FBN1: variants seen among roughly 807,000 people sequenced by gnomAD.
The protein encoded by FBN1 is fibrillin 1.
A neutral mutation model predicts 365.1 loss-of-function variants in FBN1; 29 were observed. The observed-to-expected ratio is 0.08, with a 90% confidence interval of 0.06 to 0.11. The LOEUF is 0.11. Among genes scored for constraint, FBN1 ranks in the 10% least tolerant of loss-of-function variants. The probability of loss-of-function intolerance (pLI) is 1.00; values close to 1 mark genes in which losing one functional copy is unlikely to be tolerated. For missense variants in FBN1, 2,476 were observed against 3,703.2 expected (o/e 0.67, Z 8.60); for synonymous variants, 1,210 against 1,270.5 (o/e 0.95, Z 1.01).
Position 48,497,303 on chromosome 15 carries a change from T to G in FBN1, c.2256A>C (p.Ser752=), listed in dbSNP as rs2043616300. The change falls in exon 19 of 66, where the codon TCA becomes TCC. Residue 752 remains serine, a synonymous_variant. Transcript: ENST00000316623. The part of the protein sequence containing the change: ...LRGTYKCICN[S]GYEVDSTGKN... ...TCCCAGTTGAATCCACTTCATATCC[T>G]GAATTGCATATACATTTATAGGTCC... The G allele has an allele frequency of 1.9e-6, 3 of 1,614,112 alleles. No individual in the cohort carries two copies. Among genetic ancestry groups the G allele is most frequent in the Non-Finnish European group, 1.7e-6 (2 of 1,179,974 alleles).
intron 16 of FBN1, 76 bp from the exon 17 acceptor site, chr15:48,504,015 G>A (rs2043687754): frequency 6.4e-7 from 1 of 1,557,698 alleles, no homozygotes; most frequent in Non-Finnish European, 8.8e-7. Flanking sequence ...AGTTGAAGAG[G>A]GCTTTATTTA....
At chr15:48,575,800 G>GAT (rs1555403706) in intron 6 of FBN1, among the ~76,000 whole-genome samples, 1 of 115,562 alleles carries the variant, frequency 8.7e-6, no homozygotes, top group Non-Finnish European at 1.8e-5. Flanking sequence ...GAAAATGTGA[G>GAT]ATACACACAC....
chr15:48,589,803 G>C (rs553123665), intron 6 of FBN1, among the ~76,000 whole-genome samples: 1 of 151,782 alleles, frequency 6.6e-6, no homozygotes, highest in South Asian at 2.1e-4. Context: ...ATTTGTAGTA[G>C]AGACAGGGTT....
chr15:48,489,359 T>C (rs1223864645), intron 25 of FBN1, among the ~76,000 whole-genome samples: 1 of 152,022 alleles, frequency 6.6e-6, no homozygotes, highest in Admixed American at 6.6e-5. Context: ...CAAGATCTCA[T>C]TAATATAATT....
At chr15:48,467,003 A>C (rs77105537) in intron 38 of FBN1, among the ~76,000 whole-genome samples, 3,471 of 152,182 alleles carry the variant, frequency 0.023, 65 homozygotes, top group East Asian at 0.083. Flanking sequence ...GGTGCTCTGC[A>C]TGAGTGATTT....
chr15:48,431,468 AAGG>A (rs1340514307), intron 55 of FBN1, among the ~76,000 whole-genome samples: 2 of 151,996 alleles, frequency 1.3e-5, no homozygotes, highest in African/African-American at 4.8e-5. Context: ...ATTGAACTAA[AAGG>A]GCCTCATGTA....
chr15:48,430,753 C>T lies in FBN1; in HGVS notation c.6789G>A (p.Met2263Ile), dbSNP rs779622071. Reference sequence around the variant, plus strand: ...ATGTGCCAATGAGGTTCTTGCATTCCATTTGTTTTTCAGTACAGTCATGTT... The same window carrying T: ...ATGTGCCAATGAGGTTCTTGCATTCTATTTGTTTTTCAGTACAGTCATGTT... ...EGKHDCTEKQ[M>I]ECKNLIGTYM... Residue 2263 changes from methionine to isoleucine, a missense_variant, in exon 56 of 66, where the codon ATG becomes ATA. Around this residue, in one of 5 missense-constraint regions of FBN1, gnomAD observed 1,780 missense variants for 2,840.8 expected, o/e 0.63. Transcript: ENST00000316623. 1.2e-6 allele frequency: 2 copies of T among 1,613,876 alleles called. No homozygotes were observed. Among genetic ancestry groups the T allele is most frequent in the South Asian group, 1.1e-5 (1 of 91,080 alleles).
chr15:48,487,009 ATAAC>A (rs1176915286), intron 29 of FBN1, 62 bp downstream of exon 29: 3 of 1,119,764 alleles, frequency 2.7e-6, no homozygotes, highest in East Asian at 3.1e-5. Flanking sequence ...ATAAAATAAC[ATAAC>A]ATAACATAAC....
Position 48,644,892 on chromosome 15 carries a change from G to T in FBN1, c.-123C>A, listed in dbSNP as rs1004900313. 1.4e-5 allele frequency: 14 copies of T among 1,009,364 alleles called. No individual in the cohort carries two copies. Among genetic ancestry groups the T allele is most frequent in the African/African-American group, 1.7e-5 (1 of 58,328 alleles). 62.5% of individuals were successfully genotyped at this position (1,009,364 alleles called of 1,614,324 possible). ...CCCGCTATCCCGCCGCCCGTCCCCC[G>T]GGCCGGGCTCCTCCCGCCTTCTCCA... On this transcript the variant is annotated 5_prime_UTR_variant, in exon 2 of 66. Transcript: ENST00000316623.
At chr15:48,522,034 G>A (rs969050265) in intron 9 of FBN1, among the ~76,000 whole-genome samples, 1 of 152,164 alleles carries the variant, frequency 6.6e-6, no homozygotes, top group African/African-American at 2.4e-5. Flanking sequence ...ATCAGTGGCA[G>A]CACTAGATTC....
intron 46 of FBN1, 72 bp downstream of exon 46, chr15:48,448,696 T>C: frequency 6.8e-7 from 1 of 1,466,352 alleles, no homozygotes; most frequent in Non-Finnish European, 9.4e-7. Flanking sequence ...TAGTATTAAA[T>C]TTTATCCATA....
intron 13 of FBN1, among the ~76,000 whole-genome samples, chr15:48,511,148 C>T (rs765733796): frequency 2.0e-5 from 3 of 152,142 alleles, no homozygotes; most frequent in African/African-American, 4.8e-5. Context: ...TGAGCACGTG[C>T]GTTCATGGCA....
intron 38 of FBN1, among the ~76,000 whole-genome samples, chr15:48,466,760 G>A (rs2043326097): frequency 6.6e-6 from 1 of 152,072 alleles, no homozygotes; most frequent in South Asian, 2.1e-4. Context: ...CCCAAATTAA[G>A]TGTCTTAGTT....
rs368201024 is a variant in FBN1 at position 48,463,858 on chromosome 15, T to A, written c.5065+41A>T. On this transcript the variant is annotated intron_variant, in intron 41 of 65. Coordinates refer to ENST00000316623, the MANE Select transcript of FBN1 (RefSeq NM_000138.5). ...TGTGAGCTCTCTTCCTCTTTGTAGA[T>A]GAGAACCAAACATGCATTACTGAGA... 4 of 1,574,266 alleles carry A rather than the reference T, an allele frequency of 2.5e-6. No homozygotes were observed. The African/African-American group carries it at 5.4e-5, about 21-fold the overall frequency.
At position 48,493,518 on chromosome 15, in the gene FBN1, G is replaced by A. The variant is rs149966757; in HGVS notation, c.2728+686C>T. Among the ~76,000 whole-genome samples, 183 of 152,282 alleles carry A rather than the reference G, an allele frequency of 1.2e-3. 1 individual carries two copies. Among genetic ancestry groups the A allele is most frequent in the African/African-American group, 4.2e-3 (173 of 41,558 alleles). On this transcript the variant is annotated intron_variant, in intron 23 of 65. Coordinates refer to ENST00000316623, the MANE Select transcript of FBN1 (RefSeq NM_000138.5). Reference sequence around the variant, plus strand: ...CACTTGTACAACAAAATATGCTGCTGAGGTCAGATAAGTTATTAACAGCGG... The same window carrying A: ...CACTTGTACAACAAAATATGCTGCTAAGGTCAGATAAGTTATTAACAGCGG...
rs1220842179 is a variant in FBN1 at position 48,492,547 on chromosome 15, T to C, written c.2768A>G (p.Asn923Ser). The change falls in exon 24 of 66, where the codon AAT becomes AGT. Residue 923 changes from asparagine to serine, a missense_variant. Physicochemically the swap from Asn to Ser is conservative, Grantham distance 46. Around this residue, in one of 5 missense-constraint regions of FBN1, gnomAD observed 1,780 missense variants for 2,840.8 expected, o/e 0.63. Transcript: ENST00000316623. ...ECEVFPGVCK[N>S]GLCVNTRGSF... ...CCCCCTAGTGTTAACACACAGGCCA[T>C]TTTTACACACTCCTGGGAACACTTC... The C allele has an allele frequency of 6.2e-7, 1 of 1,611,032 alleles. No homozygotes were observed. The highest frequency in any genetic ancestry group is 8.5e-7 in the Non-Finnish European group (1 of 1,177,420).
rs1566895264 is a variant in FBN1 at position 48,434,645 on chromosome 15, C to G, written c.6565G>C (p.Glu2189Gln). 1 of 1,613,842 alleles carries G rather than the reference C, an allele frequency of 6.2e-7. No individual in the cohort carries two copies. The highest frequency in any genetic ancestry group is 8.5e-7 in the Non-Finnish European group (1 of 1,179,788). Residue 2189 changes from glutamate to glutamine, a missense_variant, in exon 54 of 66, where the codon GAA (glutamate) becomes CAA (glutamine). This residue lies in a region of FBN1 where 1,780 missense variants were observed against 2,840.8 expected (regional missense o/e 0.63). Coordinates refer to ENST00000316623, the MANE Select transcript of FBN1 (RefSeq NM_000138.5). ...TCAAATCCCTCCTCGCAGGTGCATT[C>G]AAAACCTCCAATCACATTCTTGCAG... ...GTCKNVIGGF[E>Q]CTCEEGFEPG... is the part of the protein sequence containing the mutation.
In FBN1 at chr15:48,422,074, A is replaced by G. The variant is rs1253572031; in HGVS notation, c.7454-6T>C. The G allele has an allele frequency of 3.8e-6, 6 of 1,592,366 alleles. No individual in the cohort carries two copies. The African/African-American group carries it at 8.1e-5, about 21-fold the overall frequency. ...GGTTGCACACTCATCAAGATCTACA[A>G]GAAAATGCAAGAGAGGCATTTGAGT... is the stretch of plus-strand genomic sequence containing the variant. On this transcript the variant is annotated splice_polypyrimidine_tract_variant and splice_region_variant and intron_variant, in intron 60 of 65. Coordinates refer to ENST00000316623, the MANE Select transcript of FBN1 (RefSeq NM_000138.5).
rs1402172768 is a variant in FBN1 at position 48,409,085 on chromosome 15, A to G, written c.*1905T>C. The G allele has an allele frequency of 6.6e-6, 1 of 152,224 alleles. No individual in the cohort carries two copies. Among genetic ancestry groups the G allele is most frequent in the African/African-American group, 2.4e-5 (1 of 41,460 alleles). 9.4% of individuals were successfully genotyped at this position (152,224 alleles called of 1,614,324 possible). A position where few individuals can be genotyped will look rare whatever the true frequency, so the allele number is the denominator to read the frequency against. ...ATTCAGCTCATTCTGTTGAGCACCT[A>G]TTATAAACAAAATTAGAGATACAAA... is the stretch of plus-strand genomic sequence containing the variant. On this transcript the variant is annotated 3_prime_UTR_variant, in exon 66 of 66. Coordinates refer to ENST00000316623, the MANE Select transcript of FBN1 (RefSeq NM_000138.5).
Sources: allele counts gnomAD v4.1 joint callset (sites outside exome capture counted in the v4.1 genomes callset), GRCh38; gene constraint gnomAD v4.1.1; regional missense constraint gnomAD v4.1.1; transcripts MANE v1.5; gene names NCBI Gene and HGNC (gene_info 2026-07-23, HGNC 2026-07-21).